Variants in PRDM1 observed in about 807,000 individuals in gnomAD.
The protein encoded by PRDM1 is PR domain zinc finger protein 1.
In PRDM1, 13 loss-of-function variants were observed where a neutral mutation model predicts 62.8. That is an observed-to-expected ratio of 0.21 (90% CI 0.13 to 0.33). The LOEUF is 0.33. PRDM1 is among the 10% of genes least tolerant of loss of function. The probability of loss-of-function intolerance (pLI) is 1.00; values close to 1 mark genes in which losing one functional copy is unlikely to be tolerated. For synonymous variants in PRDM1, 396 were observed against 417.6 expected (o/e 0.95, Z 0.63); for missense variants, 895 against 1,058.8 (o/e 0.85, Z 2.15).
chr6:106,033,252 C>T (rs563731606), intron 1 of PRDM1, among the ~76,000 whole-genome samples: 1 of 152,026 alleles, frequency 6.6e-6, no homozygotes, highest in South Asian at 2.1e-4. Flanking sequence ...TGATACCCCA[C>T]CACCACCTCA....
intron 3 of PRDM1, 175 bp downstream of exon 3, chr6:106,095,909 T>C (rs760694939): frequency 7.4e-5 from 50 of 678,020 alleles, no homozygotes; most frequent in Non-Finnish European, 9.9e-5. Flanking sequence ...ACCGATGAAA[T>C]GTCTGGCCTG....
chr6:106,011,649 G>T (rs905478483), intron 1 of PRDM1, among the ~76,000 whole-genome samples: 1 of 152,028 alleles, frequency 6.6e-6, no homozygotes, highest in African/African-American at 2.4e-5. Context: ...TGCTTACTGT[G>T]GTGCAAGGAA....
intron 1 of PRDM1, among the ~76,000 whole-genome samples, chr6:106,000,100 T>C (rs1162008068): frequency 6.6e-6 from 1 of 152,148 alleles, no homozygotes; most frequent in Non-Finnish European, 1.5e-5. Flanking sequence ...CTGCCCGCCT[T>C]GGCCTCCCAA....
At chr6:106,083,170 C>T (rs997829619), upstream of PRDM1, among the ~76,000 whole-genome samples, 4 of 136,758 alleles carry the variant, frequency 2.9e-5, no homozygotes, top group African/African-American at 1.1e-4. Flanking sequence ...AAATGTTTAC[C>T]AGCATGAAGA....
At position 106,002,739 on chromosome 6, in the gene PRDM1, C is replaced by T. The variant is rs1268186955; in HGVS notation, c.-67+9100C>T. On this transcript the variant is annotated intron_variant, in intron 1 of 6. Coordinates refer to the PRDM1 transcript ENST00000652320. ...GATATTTGAGGCATTCTATTCATTC[C>T]GTGTTATAACTTATCAAGGATTGGC... Among the ~76,000 whole-genome samples the T allele has an allele frequency of 3.3e-5, 5 of 152,174 alleles. No individual in the cohort carries two copies. In the South Asian group the frequency reaches 6.2e-4, roughly 19 times the overall value.
chr6:106,031,199 G>A (rs1772839593), intron 1 of PRDM1, among the ~76,000 whole-genome samples: 1 of 152,112 alleles, frequency 6.6e-6, no homozygotes, highest in Non-Finnish European at 1.5e-5. Context: ...TTATATAGAG[G>A]AAACAAATAT....
intron 1 of PRDM1, among the ~76,000 whole-genome samples, chr6:106,080,834 T>G (rs1773682699): frequency 6.6e-6 from 1 of 152,166 alleles, no homozygotes; most frequent in African/African-American, 2.4e-5. Context: ...TTTGGTCCCA[T>G]TCTAGGGTAA....
chr6:106,032,996 A>G (rs572625252), intron 1 of PRDM1, among the ~76,000 whole-genome samples: 1 of 152,120 alleles, frequency 6.6e-6, no homozygotes, highest in South Asian at 2.1e-4. Flanking sequence ...CAAAAGCCCT[A>G]TGAGGTGGGT....
intron 1 of PRDM1, among the ~76,000 whole-genome samples, chr6:106,009,621 G>T (rs1772521772): frequency 6.6e-6 from 1 of 152,156 alleles, no homozygotes; most frequent in Non-Finnish European, 1.5e-5. Context: ...CAAATTAGGG[G>T]TGCATGTATG....
intron 1 of PRDM1, among the ~76,000 whole-genome samples, chr6:106,063,605 T>G (rs145848798): frequency 4.1e-4 from 63 of 152,346 alleles, no homozygotes; most frequent in African/African-American, 1.4e-3. Flanking sequence ...AAATACATTA[T>G]GATCAATCCC....
rs1255972221 is a variant in PRDM1, at chr6:106,098,889, T to TTC, written c.412-409_412-408dup. The stretch of plus-strand genomic sequence containing the variant: ...TTTGACGTCGTCAGCCGGCTTGGTC[T>TTC]TCTACCCAGTGACTCAAAGCACTAA... On this transcript the variant is annotated intron_variant, in intron 3 of 6. Transcript: ENST00000369096. The TTC allele has an allele frequency of 6.6e-6, 10 of 1,511,494 alleles. No individual in the cohort carries two copies. In the African/African-American group the frequency reaches 1.2e-4, roughly 19 times the overall value. The allele number at this position is 1,511,494 out of a possible 1,614,324, so 93.6% of individuals were successfully genotyped here. A position where few individuals can be genotyped will look rare whatever the true frequency, so the allele number is the denominator to read the frequency against.
chr6:106,093,176 T>C (rs530528585), intron 2 of PRDM1, among the ~76,000 whole-genome samples: 38 of 152,294 alleles, frequency 2.5e-4, no homozygotes, highest in Non-Finnish European at 1.0e-4. Flanking sequence ...TAGTGATGAG[T>C]CTATAGTTGT....
chr6:106,092,142 AAAAAAC>A (rs1173913190), intron 2 of PRDM1, among the ~76,000 whole-genome samples: 1 of 147,732 alleles, frequency 6.8e-6, no homozygotes, highest in African/African-American at 2.5e-5. Context: ...AAAAAAAAAA[AAAAAAC>A]AAACCTATAT....
chr6:106,097,110 AATTTTT>A (rs1399356829), intron 3 of PRDM1, among the ~76,000 whole-genome samples: 1 of 152,194 alleles, frequency 6.6e-6, no homozygotes, highest in East Asian at 1.9e-4. Context: ...ATGTGCTCAC[AATTTTT>A]ATTTAATAAT....
intron 1 of PRDM1, among the ~76,000 whole-genome samples, chr6:106,025,894 G>A (rs566810261): frequency 3.9e-5 from 6 of 152,016 alleles, no homozygotes; most frequent in Non-Finnish European, 8.8e-5. Flanking sequence ...CATATACAGG[G>A]GACTCATAAG....
intron 1 of PRDM1, among the ~76,000 whole-genome samples, chr6:106,026,532 T>C (rs1772769490): frequency 6.6e-6 from 1 of 152,064 alleles, no homozygotes; most frequent in Non-Finnish European, 1.5e-5. Context: ...AGCCGAAAAC[T>C]GAACAATGTT....
At chr6:105,993,966 A>G (rs867743644) in intron 1 of PRDM1, among the ~76,000 whole-genome samples, 6 of 152,368 alleles carry the variant, frequency 3.9e-5, no homozygotes, top group African/African-American at 1.2e-4. Context: ...GATACAGCTA[A>G]TTTGGGGGAA....
intron 3 of PRDM1, 111 bp from the exon 4 acceptor site, chr6:106,099,189 G>T: frequency 6.2e-7 from 1 of 1,600,806 alleles, no homozygotes; most frequent in Non-Finnish European, 8.6e-7. Context: ...TTTCTAACTA[G>T]GCAGTAGGGG....
intron 1 of PRDM1, among the ~76,000 whole-genome samples, chr6:106,020,417 G>A (rs543957499): frequency 1.3e-5 from 2 of 151,958 alleles, no homozygotes; most frequent in South Asian, 4.2e-4. Flanking sequence ...CTCCCGCCTC[G>A]GCCTCCCAAA....
Sources: gnomAD v4.1 joint callset for allele counts (sites outside exome capture counted in the v4.1 genomes callset) on GRCh38, gnomAD v4.1.1 for gene constraint, MANE v1.5 for transcripts, NCBI Gene and HGNC (gene_info 2026-07-23, HGNC 2026-07-21) for gene names.